The following MYO18B variants were observed in gnomAD, a reference collection of about 807,000 sequenced individuals.
MYO18B encodes the protein myosin XVIIIB.
Under a neutral mutation model 273.0 loss-of-function variants are expected in MYO18B, and 204 were observed. The observed-to-expected ratio is 0.75, with a 90% CI of 0.67 to 0.84. The LOEUF (loss-of-function observed/expected upper bound fraction) is 0.84, where lower values mean the gene tolerates loss of function less well. Among genes scored for constraint, MYO18B ranks in the 40% least tolerant of loss-of-function variants. The probability of loss-of-function intolerance (pLI) is 0.00; values close to 1 mark genes in which losing one functional copy is unlikely to be tolerated. For synonymous variants in MYO18B, 1,330 were observed against 1,305.7 expected (o/e 1.02, Z -0.40); for missense variants, 3,212 against 3,287.6 (o/e 0.98, Z 0.56).
chr22:25,872,894 T>A (rs562472542), intron 22 of MYO18B, among the ~76,000 whole-genome samples: 5 of 152,304 alleles, frequency 3.3e-5, no homozygotes, highest in Admixed American at 6.5e-5. Flanking sequence ...ATAAACCACA[T>A]GTGACAAAGA....
chr22:25,946,238 G>T lies in MYO18B; in HGVS notation c.5619G>T (p.Arg1873=). Residue 1873 remains arginine, a synonymous_variant, in exon 35 of 44, where the codon CGG becomes CGT. Transcript: ENST00000335473. ...ACAGCGAGCTGGAGAACATGACGCG[G>T]AACAAGAGCCTGGTACCTGTCCCTT... The part of the protein sequence containing the change: ...SMHSELENMT[R]NKSLVDEQLY... 1 of 1,574,486 alleles carries T rather than the reference G, an allele frequency of 6.4e-7. No homozygotes were observed. The highest frequency in any genetic ancestry group is 8.6e-7 in the Non-Finnish European group (1 of 1,161,512).
At chr22:25,961,002 GAGAA>G (rs995810236) in intron 39 of MYO18B, among the ~76,000 whole-genome samples, 14 of 151,964 alleles carry the variant, frequency 9.2e-5, no homozygotes, top group African/African-American at 2.7e-4. Flanking sequence ...GAAAGAGAGA[GAGAA>G]AGAAAGAAAG....
At chr22:25,855,145 A>G (rs1242074092) in intron 21 of MYO18B, among the ~76,000 whole-genome samples, 1 of 151,814 alleles carries the variant, frequency 6.6e-6, no homozygotes, top group Non-Finnish European at 1.5e-5. Flanking sequence ...GTTCCCCTCT[A>G]TGTGTCCATT....
intron 21 of MYO18B, among the ~76,000 whole-genome samples, chr22:25,859,576 G>A (rs1404974314): frequency 6.6e-6 from 1 of 151,642 alleles, no homozygotes; most frequent in Admixed American, 6.6e-5. Flanking sequence ...ATTCTGTTGT[G>A]TGCAAAGCGG....
chr22:25,863,103 CT>C (rs1297552565), intron 21 of MYO18B, among the ~76,000 whole-genome samples: 1 of 152,058 alleles, frequency 6.6e-6, no homozygotes, highest in Non-Finnish European at 1.5e-5. Context: ...TGTTGAGTCC[CT>C]TTGGTGAATT....
rs1601663399 is a variant in MYO18B, at chr22:25,777,810, G to C, written c.2068+29G>C. ...TGGTGGTCTCTAGGTGACATGGAGA[G>C]TTGGGGTCAGCACGGGGAGAGTTGG... On this transcript the variant is annotated intron_variant, in intron 8 of 43. Transcript: ENST00000335473. 3.9e-6 allele frequency: 6 copies of C among 1,553,396 alleles called. No homozygotes were observed. In the East Asian group the frequency reaches 1.4e-4, roughly 35 times the overall value.
In MYO18B at chr22:25,798,597, ATTG is replaced by A. The variant is rs537245640; in HGVS notation, c.2521+506_2521+508del. 4.9e-3 allele frequency among the ~76,000 whole-genome samples: 746 copies of A among 151,812 alleles called. 5 individuals carry two copies. The highest frequency in any genetic ancestry group is 0.017 in the African/African-American group (705 of 41,394). On this transcript the variant is annotated intron_variant, in intron 12 of 43. Coordinates refer to ENST00000335473, the MANE Select transcript of MYO18B (RefSeq NM_032608.7). ...AATTTTCATTGAGATAGGGTCTTGC[ATTG>A]TTGTTCAGGGCAGTAGTGGTGCGAT...
chr22:26,027,388 A>G lies in MYO18B; in HGVS notation c.7414A>G (p.Ser2472Gly). ...KGGQDGSQRSSIHFETEEANR... is the reference protein window; with the variant it reads ...KGGQDGSQRSGIHFETEEANR... ...TGGGCAAGACGGTTCACAGCGTTCAAGCATCCACTTTGAAACGGAAGAGGC... is the reference window on the plus strand; with the variant it reads ...TGGGCAAGACGGTTCACAGCGTTCAGGCATCCACTTTGAAACGGAAGAGGC... Residue 2472 changes from serine (S) to glycine (G), a missense_variant, in exon 43 of 44, where the codon AGC (serine) becomes GGC (glycine). By Grantham distance (56) the Ser-to-Gly change is moderately conservative (BLOSUM62 0). Coordinates refer to ENST00000335473, the MANE Select transcript of MYO18B (RefSeq NM_032608.7). The surrounding 1 kb of genome is among the most constrained non-coding windows in gnomAD (Gnocchi z 4.1). 1.2e-6 allele frequency: 2 copies of G among 1,613,984 alleles called. No homozygotes were observed. The highest frequency in any genetic ancestry group is 1.7e-5 in the Admixed American group (1 of 60,030).
rs878871724 is a variant in MYO18B at position 25,908,520 on chromosome 22, G to A, written c.5259+88G>A. 3.1e-5 allele frequency: 35 copies of A among 1,133,446 alleles called. No individual in the cohort carries two copies. The South Asian group carries it at 4.3e-4, about 14-fold the overall frequency. The allele number at this position is 1,133,446 out of a possible 1,614,324, so 70.2% of individuals were successfully genotyped here. On this transcript the variant is annotated intron_variant, in intron 32 of 43. Coordinates refer to ENST00000335473, the MANE Select transcript of MYO18B (RefSeq NM_032608.7). ...TTCCTTAGAGCGAGGAGTAGGACAGGGTCTGGGATCTGGGGACAAGCTCTT... is the reference window on the plus strand; with the variant it reads ...TTCCTTAGAGCGAGGAGTAGGACAGAGTCTGGGATCTGGGGACAAGCTCTT...
intron 32 of MYO18B, among the ~76,000 whole-genome samples, chr22:25,910,581 T>C (rs1233133796): frequency 6.6e-6 from 1 of 152,186 alleles, no homozygotes; most frequent in Non-Finnish European, 1.5e-5. Flanking sequence ...GCATTTTTGA[T>C]ATGTTGGTTA....
intron 39 of MYO18B, among the ~76,000 whole-genome samples, chr22:25,959,994 G>A (rs2092900432): frequency 6.6e-6 from 1 of 152,118 alleles, no homozygotes; most frequent in African/African-American, 2.4e-5. Flanking sequence ...CTTTCCGCCC[G>A]TCCCCAACCT....
At position 25,828,756 on chromosome 22, in the gene MYO18B, C is replaced by T. The variant is rs761352952; in HGVS notation, c.2787-20C>T. 6.2e-7 allele frequency: 1 copy of T among 1,605,592 alleles called. No individual in the cohort carries two copies. The highest frequency in any genetic ancestry group is 8.5e-7 in the Non-Finnish European group (1 of 1,174,618). On this transcript the variant is annotated intron_variant, in intron 14 of 43. Transcript: ENST00000335473. ...ATTCCATGCCATCTCAGACATTCCA[C>T]CTCTCTCTTCTCTCCCTAGATCCTT...
intron 34 of MYO18B, among the ~76,000 whole-genome samples, chr22:25,940,040 C>T (rs879751487): frequency 6.6e-6 from 1 of 152,214 alleles, no homozygotes; most frequent in Non-Finnish European, 1.5e-5. Context: ...ATGGCATCTC[C>T]TAGGCTTGTA....
In MYO18B at chr22:25,909,037, T is replaced by C. The variant is rs933442693; in HGVS notation, c.5259+605T>C. 2.0e-5 allele frequency among the ~76,000 whole-genome samples: 3 copies of C among 152,348 alleles called. No homozygotes were observed. The East Asian group carries it at 5.8e-4, about 29-fold the overall frequency. ...TGTCTGTAAATACAGATCTAACTTA[T>C]ATGTTTAATGGCTTAACAGTTTTTC... On this transcript the variant is annotated intron_variant, in intron 32 of 43. Coordinates refer to ENST00000335473, the MANE Select transcript of MYO18B (RefSeq NM_032608.7).
intron 39 of MYO18B, among the ~76,000 whole-genome samples, chr22:25,980,195 C>A (rs1343123496): frequency 6.6e-6 from 1 of 152,152 alleles, no homozygotes; most frequent in Non-Finnish European, 1.5e-5. Context: ...TCCAGAGATG[C>A]TCATGGGATG....
intron 20 of MYO18B, 73 bp downstream of exon 20, chr22:25,847,725 G>A: frequency 8.5e-7 from 1 of 1,174,272 alleles, no homozygotes; most frequent in Non-Finnish European, 1.2e-6. Context: ...GGCAGCCAAG[G>A]GATGGGAGCC....
chr22:25,928,658 G>T (rs891157522), intron 34 of MYO18B, among the ~76,000 whole-genome samples: 1 of 152,032 alleles, frequency 6.6e-6, no homozygotes. Context: ...AAACCCTCCT[G>T]ATACAATACA....
At chr22:25,784,707 T>A (rs1408980720) in intron 10 of MYO18B, among the ~76,000 whole-genome samples, 1 of 152,142 alleles carries the variant, frequency 6.6e-6, no homozygotes, top group African/African-American at 2.4e-5. Flanking sequence ...GAGAGTGTGA[T>A]TCGAAGGGGC....
chr22:25,858,127 A>G (rs1203892636), intron 21 of MYO18B, among the ~76,000 whole-genome samples: 2 of 152,244 alleles, frequency 1.3e-5, no homozygotes, highest in African/African-American at 4.8e-5. Flanking sequence ...TAGCACCCTT[A>G]TGGAATGATT....
Sources: gnomAD v4.1 joint callset for allele counts (sites outside exome capture counted in the v4.1 genomes callset) on GRCh38, gnomAD v4.1.1 for gene constraint, Gnocchi (gnomAD v3.1) non-coding constraint, MANE v1.5 for transcripts, NCBI Gene and HGNC (gene_info 2026-07-23, HGNC 2026-07-21) for gene names.